ARHGEF18: variants seen among roughly 807,000 people sequenced by gnomAD.
ARHGEF18 encodes the protein Rho/Rac guanine nucleotide exchange factor 18.
ARHGEF18 carries 93 observed loss-of-function variants against 155.7 expected under a neutral mutation model. That is an observed-to-expected ratio of 0.60 (90% CI 0.50 to 0.71). The LOEUF (loss-of-function observed/expected upper bound fraction) is 0.71, where lower values mean the gene tolerates loss of function less well. Among genes scored for constraint, ARHGEF18 ranks in the 30% least tolerant of loss-of-function variants. The pLI, the probability that ARHGEF18 is intolerant of heterozygous loss-of-function variation, is 0.00. For missense variants in ARHGEF18, 1,593 were observed against 1,816.1 expected, an observed-to-expected ratio of 0.88 and a Z score of 2.23; for synonymous variants, 742 against 753.1, an observed-to-expected ratio of 0.99 and a Z score of 0.24.
At chr19:7,448,346 C>T (rs981442496) in intron 15 of ARHGEF18, among the ~76,000 whole-genome samples, 1 of 152,190 alleles carries the variant, frequency 6.6e-6, no homozygotes, top group Admixed American at 6.5e-5. Context: ...GAAACCCCGT[C>T]TTTACTAAAA....
At position 7,440,634 on chromosome 19, in the gene ARHGEF18, C is replaced by A; in HGVS notation, c.1106+152C>A. The A allele has an allele frequency of 1.7e-6, 2 of 1,144,182 alleles. No individual in the cohort carries two copies. Among genetic ancestry groups the A allele is most frequent in the Non-Finnish European group, 2.4e-6 (2 of 834,300 alleles). 70.9% of individuals were successfully genotyped at this position (1,144,182 alleles called of 1,614,324 possible). A position where few individuals can be genotyped will look rare whatever the true frequency, so the allele number is the denominator to read the frequency against. ...GCAGAGAAATTCCCATTAACGCTTGCTTCCAGGATCCACGCCTTTTTTGCA... is the reference window on the plus strand; with the variant it reads ...GCAGAGAAATTCCCATTAACGCTTGATTCCAGGATCCACGCCTTTTTTGCA... On this transcript the variant is annotated intron_variant, in intron 11 of 28. Transcript: ENST00000668164. This position sits in a 1 kb window ranked among gnomAD's most constrained non-coding sequence, Gnocchi z 5.4.
chr19:7,431,045 T>C (rs1973930209), intron 10 of ARHGEF18, among the ~76,000 whole-genome samples: 1 of 151,960 alleles, frequency 6.6e-6, no homozygotes, highest in East Asian at 1.9e-4. Context: ...TCCCAGCTAT[T>C]CGGGAGGCTG....
chr19:7,405,404 A>G (rs1972251594), intron 10 of ARHGEF18, among the ~76,000 whole-genome samples: 1 of 151,948 alleles, frequency 6.6e-6, no homozygotes, highest in Admixed American at 6.6e-5. Context: ...TCCTTTCTCT[A>G]CACAGACACC....
At chr19:7,450,681 GC>G (rs370982202) in intron 15 of ARHGEF18, among the ~76,000 whole-genome samples, 3 of 274 alleles carry the variant, frequency 0.011, no homozygotes, top group Admixed American at 0.05. Context: ...AGATGTTAAT[GC>G]GGGATCTTGC....
intron 10 of ARHGEF18, among the ~76,000 whole-genome samples, chr19:7,399,293 TC>T (rs1277959368): frequency 6.6e-6 from 1 of 152,138 alleles, no homozygotes; most frequent in Non-Finnish European, 1.5e-5. Flanking sequence ...AATAATGTCC[TC>T]CGAGAGCATT....
intron 10 of ARHGEF18, among the ~76,000 whole-genome samples, chr19:7,406,695 G>A (rs767379202): frequency 6.6e-6 from 1 of 152,148 alleles, no homozygotes; most frequent in African/African-American, 2.4e-5. Context: ...TAAAAGGAAT[G>A]CTAATGAAGG....
intron 1 of ARHGEF18, among the ~76,000 whole-genome samples, chr19:7,350,764 G>C (rs1969134083): frequency 1.5e-4 from 1 of 6,470 alleles, no homozygotes; most frequent in South Asian, 3.0e-3. Flanking sequence ...GTTTTTTGGG[G>C]TGGGTGTGTG....
chr19:7,431,529 A>AAAAAAAAAAAAAAAAAAAAAG (rs901539858), intron 10 of ARHGEF18, among the ~76,000 whole-genome samples: 4 of 146,844 alleles, frequency 2.7e-5, no homozygotes, highest in East Asian at 2.0e-4. Context: ...AAAAAAAAAA[A>AAAAAAAAAAAAAAAAAAAAAG]AAAAGGCCGG....
At chr19:7,414,854 G>C (rs1972905425) in intron 10 of ARHGEF18, among the ~76,000 whole-genome samples, 1 of 151,848 alleles carries the variant, frequency 6.6e-6, no homozygotes, top group South Asian at 2.1e-4. Context: ...AATTAGCCGG[G>C]TGTGGGGGCA....
chr19:7,387,756 G>A (rs886995303), intron 10 of ARHGEF18, among the ~76,000 whole-genome samples: 4 of 151,916 alleles, frequency 2.6e-5, no homozygotes, highest in East Asian at 1.9e-4. Flanking sequence ...TGGAGACTCC[G>A]CCTCCCAGGT....
chr19:7,366,633 T>C lies in ARHGEF18; in HGVS notation c.15+3728T>C, dbSNP rs140097431. 1.6e-4 allele frequency among the ~76,000 whole-genome samples: 25 copies of C among 152,344 alleles called. 1 individual carries two copies. The highest frequency in any genetic ancestry group is 5.8e-4 in the African/African-American group (24 of 41,576). On this transcript the variant is annotated intron_variant, in intron 2 of 28. Coordinates refer to ENST00000668164, the MANE Select transcript of ARHGEF18 (RefSeq NM_001367823.1). ...CTTCTATCATTCTTGACTATAACGG[T>C]TTGGCTTAATCATCTATCTTCTCCA... is the stretch of plus-strand genomic sequence containing the variant.
rs776363756 is a variant in ARHGEF18 at position 7,441,783 on chromosome 19, C to G, written c.1219+18C>G. 1 of 1,613,174 alleles carries G rather than the reference C, an allele frequency of 6.2e-7. No individual in the cohort carries two copies. The highest frequency in any genetic ancestry group is 2.2e-5 in the East Asian group (1 of 44,874). On this transcript the variant is annotated intron_variant, in intron 12 of 28. Coordinates refer to ENST00000668164, the MANE Select transcript of ARHGEF18 (RefSeq NM_001367823.1). The stretch of plus-strand genomic sequence containing the variant: ...TGTAGAAGGTATGGTCATCTCCGCT[C>G]TCTCGCGGCTGCCACACAGTTCCTG...
intron 10 of ARHGEF18, among the ~76,000 whole-genome samples, chr19:7,393,470 A>C (rs182244034): frequency 3.3e-5 from 5 of 152,102 alleles, no homozygotes; most frequent in African/African-American, 9.7e-5. Flanking sequence ...CAGACTCCCA[A>C]AGTGTTAGGA....
chr19:7,421,422 C>G (rs1033634288), intron 10 of ARHGEF18, among the ~76,000 whole-genome samples: 15 of 152,144 alleles, frequency 9.9e-5, no homozygotes, highest in African/African-American at 3.4e-4. Context: ...AACTGTACCC[C>G]CCTCTTCTTT....
At chr19:7,389,860 T>A (rs1971299686) in intron 10 of ARHGEF18, among the ~76,000 whole-genome samples, 1 of 152,118 alleles carries the variant, frequency 6.6e-6, no homozygotes, top group African/African-American at 2.4e-5. Context: ...TGATTTTGAT[T>A]TGCAGGACAA....
At chr19:7,373,136 G>C in intron 3 of ARHGEF18, 65 bp downstream of exon 3, 1 of 1,232,994 alleles carries the variant, frequency 8.1e-7, no homozygotes, top group Non-Finnish European at 1.0e-6. Context: ...GGTCCAGAAG[G>C]CCAGAGCCAG....
chr19:7,442,946 G>A (rs563405223), intron 13 of ARHGEF18, among the ~76,000 whole-genome samples: 1 of 152,006 alleles, frequency 6.6e-6, no homozygotes, highest in South Asian at 2.1e-4. Flanking sequence ...GCTGGATGCA[G>A]TGATGCAGTC....
chr19:7,350,065 A>G (rs1969118455), intron 1 of ARHGEF18, among the ~76,000 whole-genome samples: 1 of 152,144 alleles, frequency 6.6e-6, no homozygotes, highest in East Asian at 1.9e-4. Flanking sequence ...CCCCCTTGGG[A>G]GACATCCCCT....
intron 10 of ARHGEF18, among the ~76,000 whole-genome samples, chr19:7,389,152 A>AT (rs1285345338): frequency 0.071 from 8,364 of 118,108 alleles, 745 homozygotes; most frequent in African/African-American, 0.21. Flanking sequence ...CACCAGGCTA[A>AT]TTTTTTTTTT....
Sources: allele counts gnomAD v4.1 joint callset (sites outside exome capture counted in the v4.1 genomes callset), GRCh38; gene constraint gnomAD v4.1.1; non-coding constraint Gnocchi (gnomAD v3.1); transcripts MANE v1.5; gene names NCBI Gene and HGNC (gene_info 2026-07-23, HGNC 2026-07-21).